NBAS: variants seen among roughly 807,000 people sequenced by gnomAD.
NBAS encodes NBAS subunit of NRZ tethering complex.
In NBAS, 219 loss-of-function variants were observed where a neutral mutation model predicts 302.5. The observed-to-expected ratio is 0.72, with a 90% CI of 0.65 to 0.81. The LOEUF is 0.81. Among genes scored for constraint, NBAS ranks in the 30% least tolerant of loss-of-function variants. The pLI is 0.00. For missense variants in NBAS, 2,932 were observed against 2,841.6 expected, an observed-to-expected ratio of 1.03 and a Z score of -0.72; for synonymous variants, 1,118 against 1,021.6, an observed-to-expected ratio of 1.09 and a Z score of -1.80.
chr2:14,896,979 G>A, the NBAS span, among the ~76,000 whole-genome samples: 246 of 152,172 alleles, frequency 1.6e-3, 1 homozygote, highest in African/African-American at 5.7e-3. Context: ...TACTAGAGCT[G>A]CATGGAAATA....
intron 42 of NBAS, among the ~76,000 whole-genome samples, chr2:15,283,779 G>A (rs574523158): frequency 9.3e-4 from 142 of 152,222 alleles, no homozygotes; most frequent in African/African-American, 3.3e-3. Flanking sequence ...AGAAAACAGC[G>A]ACTCGAAAGG....
At chr2:15,016,546 C>A in the NBAS span, among the ~76,000 whole-genome samples, 1 of 152,032 alleles carries the variant, frequency 6.6e-6, no homozygotes, top group Non-Finnish European at 1.5e-5. Context: ...GACCATATTA[C>A]CCAAAATAAC....
At chr2:14,986,229 G>A in the NBAS span, among the ~76,000 whole-genome samples, 6,922 of 146,104 alleles carry the variant, frequency 0.047, 384 homozygotes, top group African/African-American at 0.12. Flanking sequence ...CATAATTGGG[G>A]AAAAAAAAAA....
the NBAS span, among the ~76,000 whole-genome samples, chr2:14,849,734 G>T: frequency 7.0e-6 from 1 of 143,566 alleles, no homozygotes; most frequent in Non-Finnish European, 1.5e-5. Flanking sequence ...CAGATCTCTT[G>T]TCAGAAACCC....
the NBAS span, among the ~76,000 whole-genome samples, chr2:15,052,100 T>C: frequency 1.3e-5 from 2 of 152,206 alleles, no homozygotes; most frequent in Middle Eastern, 3.2e-3. Context: ...TCTTTGTCTC[T>C]TTAGTGTTCA....
In NBAS at chr2:15,256,115, T is replaced by G. The variant is rs190487233; in HGVS notation, c.5725-17429A>C. On this transcript the variant is annotated intron_variant, in intron 44 of 51. Coordinates refer to ENST00000281513, the MANE Select transcript of NBAS (RefSeq NM_015909.4). Reference sequence around the variant, plus strand: ...AATGATGATCGTATTTTGGTGGGAATTGTATTAAATTTATAGACTGCTTTT... The same window carrying G: ...AATGATGATCGTATTTTGGTGGGAAGTGTATTAAATTTATAGACTGCTTTT... Among the ~76,000 whole-genome samples the G allele has an allele frequency of 3.8e-3, 572 of 152,250 alleles. 3 individuals carry two copies. The highest frequency in any genetic ancestry group is 0.013 in the African/African-American group (553 of 41,556).
intron 35 of NBAS, among the ~76,000 whole-genome samples, chr2:15,338,122 AT>A (rs1331934377): frequency 6.6e-6 from 1 of 152,228 alleles, no homozygotes; most frequent in Non-Finnish European, 1.5e-5. Flanking sequence ...GGATAGTGCC[AT>A]GTGTCAAGTG....
the NBAS span, among the ~76,000 whole-genome samples, chr2:14,921,705 G>A: frequency 6.6e-6 from 1 of 152,138 alleles, no homozygotes; most frequent in Non-Finnish European, 1.5e-5. Context: ...GTGAATAAGC[G>A]AGTGTGTGTG....
At chr2:14,976,310 T>C in the NBAS span, among the ~76,000 whole-genome samples, 2 of 152,186 alleles carry the variant, frequency 1.3e-5, no homozygotes, top group African/African-American at 4.8e-5. Context: ...TTGCAGGCCA[T>C]GGTACCATAG....
chr2:15,290,561 C>T (rs1373672978), intron 41 of NBAS, among the ~76,000 whole-genome samples: 2 of 152,110 alleles, frequency 1.3e-5, no homozygotes, highest in East Asian at 1.9e-4. Flanking sequence ...TCTAAGAAAC[C>T]GTGAACATGG....
the NBAS span, among the ~76,000 whole-genome samples, chr2:14,788,297 G>A: frequency 6.6e-6 from 1 of 152,018 alleles, no homozygotes; most frequent in Non-Finnish European, 1.5e-5. Flanking sequence ...TAGTTTGATT[G>A]TCTGAAGCCT....
the NBAS span, among the ~76,000 whole-genome samples, chr2:14,971,375 C>G: frequency 6.6e-6 from 1 of 151,998 alleles, no homozygotes; most frequent in Non-Finnish European, 1.5e-5. Context: ...ATTAGCTGGG[C>G]ATGGTGGCAC....
At chr2:15,279,321 G>A (rs1228394231) in intron 42 of NBAS, among the ~76,000 whole-genome samples, 1 of 152,100 alleles carries the variant, frequency 6.6e-6, no homozygotes, top group Non-Finnish European at 1.5e-5. Flanking sequence ...AAAGAGTCCA[G>A]ATCTGTCTGG....
intron 31 of NBAS, among the ~76,000 whole-genome samples, chr2:15,369,969 G>A (rs2148348368): frequency 6.6e-6 from 1 of 152,330 alleles, no homozygotes; most frequent in Middle Eastern, 3.4e-3. Context: ...AACATATGAA[G>A]TTGCTAGTGA....
the NBAS span, among the ~76,000 whole-genome samples, chr2:14,844,944 G>C: frequency 7.2e-5 from 11 of 152,306 alleles, no homozygotes; most frequent in African/African-American, 2.6e-4. Context: ...CCCCCAAATG[G>C]TAACTCTGAA....
the NBAS span, among the ~76,000 whole-genome samples, chr2:14,967,381 T>C: frequency 6.6e-6 from 1 of 152,124 alleles, no homozygotes; most frequent in East Asian, 1.9e-4. Context: ...TACTACCCGA[T>C]TTCAAGACTT....
the NBAS span, among the ~76,000 whole-genome samples, chr2:14,892,408 G>A: frequency 4.6e-5 from 7 of 152,162 alleles, no homozygotes; most frequent in African/African-American, 1.7e-4. Flanking sequence ...GGCTCACAGG[G>A]CGACATAGAT....
the NBAS span, among the ~76,000 whole-genome samples, chr2:14,855,544 T>C: frequency 6.6e-6 from 1 of 151,968 alleles, no homozygotes; most frequent in South Asian, 2.1e-4. Context: ...CCCATTGCCA[T>C]GAATGGTGAG....
chr2:14,779,506 C>T, the NBAS span, among the ~76,000 whole-genome samples: 2 of 152,318 alleles, frequency 1.3e-5, no homozygotes, highest in South Asian at 2.1e-4. Flanking sequence ...ACCCTGCAAA[C>T]TGGCTCCTGG....
Sources: allele counts gnomAD v4.1 joint callset (sites outside exome capture counted in the v4.1 genomes callset), GRCh38; gene constraint gnomAD v4.1.1; transcripts MANE v1.5; gene names NCBI Gene and HGNC (gene_info 2026-07-23, HGNC 2026-07-21).